Variants in RPS24 observed in about 807,000 individuals in gnomAD.
RPS24 encodes small ribosomal subunit protein eS24.
For missense variants in RPS24, 100 were observed against 162.5 expected (o/e 0.62, Z 2.09); for synonymous variants, 72 against 55.6 (o/e 1.30, Z -1.31).
Position 78,046,835 on chromosome 10 carries a change from G to A in RPS24, c.391-7696G>A, listed in dbSNP as rs145086600. ...AGAAATGGTCCTGAGCCTTAAATGG[G>A]TGGAGGTGATTAGCTGAGGCAGCGA... is the stretch of plus-strand genomic sequence containing the variant. On this transcript the variant is annotated intron_variant, in intron 4 of 4. Transcript: ENST00000440692. 3.8e-3 allele frequency among the ~76,000 whole-genome samples: 576 copies of A among 152,318 alleles called. 4 individuals carry two copies. Among genetic ancestry groups the A allele is most frequent in the Middle Eastern group, 0.017 (5 of 294 alleles).
chr10:78,047,853 C>G (rs1271030261), intron 4 of RPS24, among the ~76,000 whole-genome samples: 2 of 152,188 alleles, frequency 1.3e-5, no homozygotes, highest in African/African-American at 4.8e-5. Flanking sequence ...CAGTGCTATG[C>G]CTCTGTCCTA....
exon 5 of RPS24, chr10:78,055,197 T>A (rs899554259): frequency 3.0e-6 from 3 of 988,222 alleles, no homozygotes; most frequent in Middle Eastern, 3.6e-4. Flanking sequence ...GCCCCCACAA[T>A]CCCCCACGAC....
At chr10:78,054,779 G>A (rs1260857270) in exon 5 of RPS24, 1 of 1,551,636 alleles carries the variant, frequency 6.4e-7, no homozygotes, top group South Asian at 1.2e-5. Flanking sequence ...TTTTGGAGAG[G>A]GCACTGGTCA....
chr10:78,050,517 T>C (rs1434370950), intron 4 of RPS24, among the ~76,000 whole-genome samples: 5 of 152,252 alleles, frequency 3.3e-5, no homozygotes, highest in African/African-American at 1.2e-4. Context: ...TTATTGAGGT[T>C]TAATTCACAG....
chr10:78,035,573 A>G lies in RPS24; in HGVS notation c.132A>G (p.Leu44=), dbSNP rs1589326761. Reference sequence around the variant, plus strand: ...CTAAGACAGAAATTCGGGAAAAACTAGCCAAAATGTACAAGACCACACCGG... The same window carrying G: ...CTAAGACAGAAATTCGGGAAAAACTGGCCAAAATGTACAAGACCACACCGG... ...TVPKTEIREK[L]AKMYKTTPDV... Residue 44 remains leucine (L), a synonymous_variant, in exon 3 of 6, where the codon CTA becomes CTG. Coordinates refer to ENST00000372360, the MANE Select transcript of RPS24 (RefSeq NM_033022.4). 6.2e-7 allele frequency: 1 copy of G among 1,614,138 alleles called. No homozygotes were observed. Among genetic ancestry groups the G allele is most frequent in the Non-Finnish European group, 8.5e-7 (1 of 1,180,024 alleles).
At chr10:78,044,266 T>C (rs1848019071), downstream of RPS24, among the ~76,000 whole-genome samples, 1 of 151,936 alleles carries the variant, frequency 6.6e-6, no homozygotes, top group Non-Finnish European at 1.5e-5. Flanking sequence ...TTTGAGGCCA[T>C]GAAAAATAGG....
rs773450735 is a variant in RPS24, at chr10:78,033,874, C to G, written c.-28C>G. ...GGCGAATCGTGGTTCTCTTTTCCTC[C>G]TTGGCTGTCTGAAGATAGATCGCCA... On this transcript the variant is annotated 5_prime_UTR_variant, in exon 1 of 6. Transcript: ENST00000372360. 4.3e-6 allele frequency: 7 copies of G among 1,614,044 alleles called. No individual in the cohort carries two copies. The highest frequency in any genetic ancestry group is 3.3e-5 in the Admixed American group (2 of 60,034).
At position 78,039,961 on chromosome 10, in the gene RPS24, C is replaced by G. The variant is rs57278154; in HGVS notation, c.391-243C>G. On this transcript the variant is annotated intron_variant, in intron 4 of 5. Coordinates refer to ENST00000372360, the MANE Select transcript of RPS24 (RefSeq NM_033022.4). Reference sequence around the variant, plus strand: ...TTAATGATCTCTTCATTGTGAAGTCCGGCTACCTCGTTTGCATAAGAACTA... The same window carrying G: ...TTAATGATCTCTTCATTGTGAAGTCGGGCTACCTCGTTTGCATAAGAACTA... 2.6e-5 allele frequency: 15 copies of G among 583,406 alleles called. No individual in the cohort carries two copies. The East Asian group carries it at 4.4e-4, about 17-fold the overall frequency. The allele number at this position is 583,406 out of a possible 1,614,324, so 36.1% of individuals were successfully genotyped here.
At chr10:78,045,810 G>T (rs747705621) in intron 4 of RPS24, among the ~76,000 whole-genome samples, 7 of 151,386 alleles carry the variant, frequency 4.6e-5, no homozygotes, top group Non-Finnish European at 7.4e-5. Flanking sequence ...TTCGAGACCA[G>T]CCTGGCCAAC....
downstream of RPS24, among the ~76,000 whole-genome samples, chr10:78,045,559 G>A (rs1848034798): frequency 6.6e-6 from 1 of 151,944 alleles, no homozygotes; most frequent in African/African-American, 2.4e-5. Flanking sequence ...TTGGCTCACT[G>A]CAACCTCTGC....
In RPS24 at chr10:78,033,911, C is replaced by G. The variant is rs759947869; in HGVS notation, c.3+7C>G. ...AAGATAGATCGCCATCATGGTGAGT[C>G]TCCCTGGGCCCGTGCAGTCATCTGC... is the stretch of plus-strand genomic sequence containing the variant. On this transcript the variant is annotated splice_region_variant and intron_variant, in intron 1 of 5. Coordinates refer to ENST00000372360, the MANE Select transcript of RPS24 (RefSeq NM_033022.4). The G allele has an allele frequency of 2.5e-6, 4 of 1,613,946 alleles. No homozygotes were observed. In the African/African-American group the frequency reaches 5.3e-5, roughly 22 times the overall value.
intron 4 of RPS24, among the ~76,000 whole-genome samples, chr10:78,046,442 T>C (rs1008195042): frequency 7.1e-6 from 1 of 141,838 alleles, no homozygotes; most frequent in Admixed American, 7.5e-5. Flanking sequence ...CACTGCAACC[T>C]CCACCTTCTG....
At chr10:78,052,071 G>T (rs1165073981) in intron 4 of RPS24, among the ~76,000 whole-genome samples, 1 of 152,030 alleles carries the variant, frequency 6.6e-6, no homozygotes. Flanking sequence ...TGTCGCCCAG[G>T]CTGGAGTACA....
chr10:78,053,377 T>A (rs1315683065), intron 4 of RPS24, among the ~76,000 whole-genome samples: 1 of 152,068 alleles, frequency 6.6e-6, no homozygotes, highest in Admixed American at 6.5e-5. Flanking sequence ...GCCCAGAGCC[T>A]GTATGTCATA....
chr10:78,034,275 C>G (rs554900099), intron 1 of RPS24: 147 of 378,602 alleles, frequency 3.9e-4, no homozygotes, highest in Non-Finnish European at 6.1e-4. Flanking sequence ...GATGGCAGTA[C>G]AAGAGGTGAA....
chr10:78,038,091 A>G, intron 4 of RPS24: 1 of 592,254 alleles, frequency 1.7e-6, no homozygotes, highest in Middle Eastern at 3.1e-4. Context: ...ATGGTCGATT[A>G]TAATGCCAGT....
intron 4 of RPS24, chr10:78,037,833 A>G (rs1021976887): frequency 7.0e-6 from 4 of 570,822 alleles, no homozygotes; most frequent in East Asian, 7.2e-5. Flanking sequence ...ATAGTTGGAC[A>G]TTGTAAATCA....
intron 5 of RPS24, 26 bp downstream of exon 5, chr10:78,040,251 C>G: frequency 6.3e-7 from 1 of 1,598,258 alleles, no homozygotes; most frequent in Non-Finnish European, 8.6e-7. Flanking sequence ...TTCATGTAGT[C>G]ATGTAGATCA....
intron 4 of RPS24, chr10:78,037,933 CTCTCTACTTTCTTGGATT>C (rs1847910470): frequency 3.2e-6 from 1 of 310,674 alleles, no homozygotes; most frequent in African/African-American, 4.1e-5. Flanking sequence ...TTTGCTTTTC[CTCTCTACTTTCTTGGATT>C]TCTTGTTCAT....
Sources: gnomAD v4.1 joint callset for allele counts (sites outside exome capture counted in the v4.1 genomes callset) on GRCh38, gnomAD v4.1.1 for gene constraint, MANE v1.5 for transcripts, NCBI Gene and HGNC (gene_info 2026-07-23, HGNC 2026-07-21) for gene names.